The following OR1S1 variants were observed in gnomAD, a reference collection of about 807,000 sequenced individuals.
The protein encoded by OR1S1 is olfactory receptor family 1 subfamily S member 1, also known as olfactory receptor 1S1.
For synonymous variants in OR1S1, 156 were observed against 143.9 expected, an observed-to-expected ratio of 1.08 and a Z score of -0.60; for missense variants, 411 against 367.5, an observed-to-expected ratio of 1.12 and a Z score of -0.97.
exon 2 of OR1S1, chr11:58,214,883 A>G (rs146809144): frequency 1.9e-5 from 30 of 1,614,102 alleles, no homozygotes; most frequent in East Asian, 1.8e-4. Flanking sequence ...TTTCTTGGGT[A>G]TGTACCTGGT....
intron 1 of OR1S1, among the ~76,000 whole-genome samples, chr11:58,214,283 C>A (rs1431973849): frequency 6.6e-6 from 1 of 152,182 alleles, no homozygotes; most frequent in Non-Finnish European, 1.5e-5. Flanking sequence ...AGCACCAACA[C>A]AATGGTGTAC....
chr11:58,214,876 C>A (rs1565108388), exon 2 of OR1S1: 2 of 1,614,152 alleles, frequency 1.2e-6, no homozygotes, highest in Non-Finnish European at 1.7e-6. Flanking sequence ...TTGTGCTTTT[C>A]TTGGGTATGT....
Position 58,215,733 on chromosome 11 carries a change from C to G in OR1S1, c.*11C>G, listed in dbSNP as rs371258863. 4 of 1,603,376 alleles carry G rather than the reference C, an allele frequency of 2.5e-6. No homozygotes were observed. In the Admixed American group the frequency reaches 6.8e-5, roughly 27 times the overall value. ...ATTTCTTCCCTTTGATGCCCTGGAC[C>G]TCTACATTCTTTTAGTCCACATAAT... On this transcript the variant is annotated 3_prime_UTR_variant, in exon 2 of 2. Coordinates refer to ENST00000641544, the Ensembl canonical transcript of OR1S1.
At chr11:58,215,410 C>T (rs1409811940) in exon 2 of OR1S1, 3 of 1,614,074 alleles carry the variant, frequency 1.9e-6, no homozygotes, top group South Asian at 2.2e-5. Context: ...TTATCATCTT[C>T]CCCTTTACAC....
At position 58,213,022 on chromosome 11, in the gene OR1S1, A is replaced by C. The variant is rs544195860; in HGVS notation, c.-56+185A>C. 2.5e-3 allele frequency among the ~76,000 whole-genome samples: 382 copies of C among 152,274 alleles called. 2 individuals carry two copies. The highest frequency in any genetic ancestry group is 8.9e-3 in the African/African-American group (370 of 41,548). On this transcript the variant is annotated intron_variant, in intron 1 of 1. Coordinates refer to ENST00000641544, the Ensembl canonical transcript of OR1S1. ...TTTTGTTGTGGATTCTCCCTTCTGC[A>C]TGTGTTTTCTCTTGTCTCTGATTTG...
At chr11:58,215,058 T>A in exon 2 of OR1S1, 2 of 1,614,178 alleles carry the variant, frequency 1.2e-6, no homozygotes, top group South Asian at 1.1e-5. Context: ...AGTCAATCCA[T>A]CTCTTATGAG....
chr11:58,215,158 G>A lies in OR1S1; in HGVS notation c.375G>A (p.Ala125=), dbSNP rs550007898. The change falls in exon 2 of 2, where the codon GCG becomes GCA. Residue 125 remains alanine, a synonymous_variant. Transcript: ENST00000641544. The stretch of plus-strand genomic sequence containing the variant: ...CCATGGCCTATGACCACTTTGTGGC[G>A]ATCTGCCACCCTCTGAATTATACAA... 2.0e-4 allele frequency: 322 copies of A among 1,614,034 alleles called. 3 individuals are homozygous for A. The South Asian group carries it at 3.1e-3, about 16-fold the overall frequency.
exon 2 of OR1S1, chr11:58,215,379 T>G: frequency 6.2e-7 from 1 of 1,613,972 alleles, no homozygotes; most frequent in Non-Finnish European, 8.5e-7. Flanking sequence ...GAGCTTGTGT[T>G]GTTTATTGTG....
At chr11:58,215,650 C>A (rs1285943107) in exon 2 of OR1S1, 1 of 1,613,954 alleles carries the variant, frequency 6.2e-7, no homozygotes, top group African/African-American at 1.3e-5. Context: ...ACCCCTTCAT[C>A]TACAGCTTGA....
exon 2 of OR1S1, chr11:58,214,951 T>G (rs372063655): frequency 5.0e-6 from 8 of 1,614,082 alleles, no homozygotes; most frequent in Non-Finnish European, 6.8e-6. Flanking sequence ...CGTACCTTCA[T>G]ACCCCCATGT....
exon 2 of OR1S1, chr11:58,214,959 T>G (rs943150322): frequency 1.9e-6 from 3 of 1,614,036 alleles, no homozygotes; most frequent in African/African-American, 2.7e-5. Flanking sequence ...CATACCCCCA[T>G]GTATCTCTTC....
Position 58,215,192 on chromosome 11 carries a change from C to T in OR1S1, c.409C>T (p.Arg137Trp), listed in dbSNP as rs367545824. The T allele has an allele frequency of 4.8e-5, 77 of 1,613,982 alleles. 1 individual carries two copies. The highest frequency in any genetic ancestry group is 1.8e-4 in the South Asian group (16 of 91,084). The change falls in exon 2 of 2, where the codon CGG (arginine) becomes TGG (tryptophan). Residue 137 changes from arginine (R) to tryptophan (W), a missense_variant. Transcript: ENST00000641544. Reference sequence around the variant, plus strand: ...CCCTCTGAATTATACAATTCTCATGCGGCCCAGGTTCGGCATTTTGCTCAC... The same window carrying T: ...CCCTCTGAATTATACAATTCTCATGTGGCCCAGGTTCGGCATTTTGCTCAC...
chr11:58,215,354 G>C (rs147589929), exon 2 of OR1S1: 1 of 1,613,462 alleles, frequency 6.2e-7, no homozygotes, highest in African/African-American at 1.3e-5. Flanking sequence ...GTCCTGTTCA[G>C]ATACATTGAT....
At chr11:58,215,145 A>C in exon 2 of OR1S1, 3 of 1,614,124 alleles carry the variant, frequency 1.9e-6, no homozygotes, top group Non-Finnish European at 2.5e-6. Context: ...ATGGCCTATG[A>C]CCACTTTGTG....
exon 2 of OR1S1, chr11:58,215,168 C>G: frequency 6.2e-7 from 1 of 1,614,074 alleles, no homozygotes; most frequent in Non-Finnish European, 8.5e-7. Flanking sequence ...GATCTGCCAC[C>G]CTCTGAATTA....
At chr11:58,214,989 C>G in exon 2 of OR1S1, 1 of 1,614,162 alleles carries the variant, frequency 6.2e-7, no homozygotes, top group Middle Eastern at 1.6e-4. Flanking sequence ...CTATCCTTTG[C>G]TGATATTTCC....
chr11:58,215,217 C>G (rs762726032), exon 2 of OR1S1: 2 of 1,614,142 alleles, frequency 1.2e-6, no homozygotes, highest in Non-Finnish European at 1.7e-6. Flanking sequence ...ATTTTGCTCA[C>G]AGTCATCTCA....
rs759878188 is a variant in OR1S1 at position 58,215,115 on chromosome 11, A to G, written c.332A>G (p.Asp111Gly). Reference sequence around the variant, plus strand: ...TTTTCTATTGTGTTTGTCGTCATTGACAATTTGCTCTTGGGGACCATGGCC... The same window carrying G: ...TTTTCTATTGTGTTTGTCGTCATTGGCAATTTGCTCTTGGGGACCATGGCC... Residue 111 changes from aspartate to glycine, a missense_variant, in exon 2 of 2, where the codon GAC (aspartate) becomes GGC (glycine). By Grantham distance (94) the Asp-to-Gly change is moderately conservative (BLOSUM62 -1). Coordinates refer to ENST00000641544, the Ensembl canonical transcript of OR1S1. The G allele has an allele frequency of 3.7e-6, 6 of 1,614,142 alleles. No individual in the cohort carries two copies. The highest frequency in any genetic ancestry group is 5.1e-6 in the Non-Finnish European group (6 of 1,180,012).
Position 58,215,491 on chromosome 11 carries a change from A to T in OR1S1, c.708A>T (p.Lys236Asn), listed in dbSNP as rs778888484. The T allele has an allele frequency of 1.2e-5, 19 of 1,614,162 alleles. No individual in the cohort carries two copies. The East Asian group carries it at 4.2e-4, about 36-fold the overall frequency. The change falls in exon 2 of 2, where the codon AAA becomes AAT. Residue 236 changes from lysine to asparagine, a missense_variant. Lys to Asn is a moderately conservative substitution (Grantham distance 94, BLOSUM62 0). Coordinates refer to ENST00000641544, the Ensembl canonical transcript of OR1S1. Reference sequence around the variant, plus strand: ...TATCTTCCACACAGGGAAAGTGGAAAGCCTTCTCCACTTGTGGCTCTCACC... The same window carrying T: ...TATCTTCCACACAGGGAAAGTGGAATGCCTTCTCCACTTGTGGCTCTCACC...
Sources: gnomAD v4.1 joint callset for allele counts (sites outside exome capture counted in the v4.1 genomes callset) on GRCh38, gnomAD v4.1.1 for gene constraint, MANE v1.5 for transcripts, NCBI Gene and HGNC (gene_info 2026-07-23, HGNC 2026-07-21) for gene names.